MAP10: variants seen among roughly 807,000 people sequenced by gnomAD.
MAP10 encodes microtubule-associated protein 10.
In MAP10, 10 loss-of-function variants were observed where a neutral mutation model predicts 6.3. The ratio of observed to expected loss-of-function variants is 1.58; its 90% CI spans 0.98 to 2.69. MAP10 has a LOEUF of 2.69. MAP10 is among the 30% of genes most tolerant of loss of function. MAP10 has a pLI of 0.00. For synonymous variants in MAP10, 459 were observed against 429.3 expected, an observed-to-expected ratio of 1.07 and a Z score of -0.86; for missense variants, 1,189 against 1,086.5, an observed-to-expected ratio of 1.09 and a Z score of -1.33.
rs1423892562 is a variant in MAP10 at position 232,805,916 on chromosome 1, A to G, written c.467A>G (p.His156Arg). The G allele has an allele frequency of 1.2e-6, 2 of 1,609,290 alleles. No homozygotes were observed. The highest frequency in any genetic ancestry group is 1.1e-5 in the South Asian group (1 of 90,562). Residue 156 changes from histidine (H) to arginine (R), a missense_variant, in exon 1 of 1, where the codon CAC (histidine) becomes CGC (arginine). Physicochemically the swap from His to Arg is conservative, Grantham distance 29. Transcript: ENST00000418460. ...GGGCCGGCCGCCTCCGGATGCTCCC[A>G]CCGTCACCGGGGACGTTTCCCCCTG... ...VVGPAASGCS[H>R]RHRGRFPLHN...
chr1:232,807,029 G>A lies in MAP10; in HGVS notation c.1580G>A (p.Arg527Lys). The A allele has an allele frequency of 6.2e-7, 1 of 1,613,098 alleles. No homozygotes were observed. Among genetic ancestry groups the A allele is most frequent in the African/African-American group, 1.3e-5 (1 of 74,986 alleles). The change falls in exon 1 of 1, where the codon AGA becomes AAA. Residue 527 changes from arginine (R) to lysine (K), a missense_variant. Coordinates refer to ENST00000418460, the MANE Select transcript of MAP10 (RefSeq NM_019090.3). Reference protein sequence around the residue: ...VHEKRELYRKRQSQMLGTKFR... With the variant: ...VHEKRELYRKKQSQMLGTKFR... ...GAAAAAAGAGAACTATATAGAAAAA[G>A]ACAATCACAAATGTTGGGTACAAAA...
Position 232,806,266 on chromosome 1 carries a change from T to G in MAP10, c.817T>G (p.Cys273Gly). 6.2e-7 allele frequency: 1 copy of G among 1,614,010 alleles called. No individual in the cohort carries two copies. ...ENGKTNSVVT[C>G]SGAGNGRNVS... ...TGGCAAAACCAATTCTGTTGTTACA[T>G]GTTCAGGTGCTGGCAATGGGAGAAA... is the stretch of plus-strand genomic sequence containing the variant. The change falls in exon 1 of 1, where the codon TGT becomes GGT. Residue 273 changes from cysteine to glycine, a missense_variant. Transcript: ENST00000418460.
Position 232,805,820 on chromosome 1 carries a change from G to A in MAP10, c.371G>A (p.Arg124His). ...TTGCTGCTGCAGCTGCCCCCTGGGC[G>A]CCCGACGCCCACCCCACAGCTCCTG... ...ATLLLQLPPG[R>H]PTPTPQLLGA... The change falls in exon 1 of 1, where the codon CGC becomes CAC. Residue 124 changes from arginine (R) to histidine (H), a missense_variant. Arg to His is a conservative substitution (Grantham distance 29, BLOSUM62 0). Coordinates refer to ENST00000418460, the MANE Select transcript of MAP10 (RefSeq NM_019090.3). The A allele has an allele frequency of 1.3e-6, 2 of 1,590,570 alleles. No homozygotes were observed. The highest frequency in any genetic ancestry group is 1.1e-5 in the South Asian group (1 of 87,782).
At position 232,805,422 on chromosome 1, in the gene MAP10, C is replaced by T. The variant is rs201665306; in HGVS notation, c.-28C>T. On this transcript the variant is annotated 5_prime_UTR_variant, in exon 1 of 1. Coordinates refer to ENST00000418460, the MANE Select transcript of MAP10 (RefSeq NM_019090.3). Reference sequence around the variant, plus strand: ...GCTTCAGCTTCTCGTTTGCGGAGCCCGCGGCGGCGTTTCCTGGGGCAACAG... The same window carrying T: ...GCTTCAGCTTCTCGTTTGCGGAGCCTGCGGCGGCGTTTCCTGGGGCAACAG... 9.9e-5 allele frequency: 160 copies of T among 1,612,744 alleles called. No homozygotes were observed. In the East Asian group the frequency reaches 3.2e-3, roughly 32 times the overall value.
Position 232,806,472 on chromosome 1 carries a change from G to C in MAP10, c.1023G>C (p.Lys341Asn), listed in dbSNP as rs770365421. The C allele has an allele frequency of 3.1e-6, 5 of 1,613,778 alleles. No homozygotes were observed. The highest frequency in any genetic ancestry group is 4.2e-6 in the Non-Finnish European group (5 of 1,179,904). Residue 341 changes from lysine to asparagine, a missense_variant, in exon 1 of 1, where the codon AAG (lysine) becomes AAC (asparagine). Lys to Asn is a moderately conservative substitution (Grantham distance 94, BLOSUM62 0). Transcript: ENST00000418460. ...EEMDDASPEK[K>N]RVNPPAHRSC... is the part of the protein sequence containing the mutation. ...TGGATGATGCTTCTCCTGAAAAAAAGCGTGTAAATCCCCCAGCACACAGGA... is the reference window on the plus strand; with the variant it reads ...TGGATGATGCTTCTCCTGAAAAAAACCGTGTAAATCCCCCAGCACACAGGA...
At position 232,806,290 on chromosome 1, in the gene MAP10, A is replaced by C. The variant is rs762513237; in HGVS notation, c.841A>C (p.Asn281His). 4 of 1,614,002 alleles carry C rather than the reference A, an allele frequency of 2.5e-6. No homozygotes were observed. In the Admixed American group the frequency reaches 6.7e-5, roughly 27 times the overall value. The change falls in exon 1 of 1, where the codon AAT (asparagine) becomes CAT (histidine). Residue 281 changes from asparagine (N) to histidine (H), a missense_variant. Transcript: ENST00000418460. ...VTCSGAGNGR[N>H]VSSLNEEVTE... ...ATGTTCAGGTGCTGGCAATGGGAGA[A>C]ATGTTAGCTCCCTAAATGAGGAAGT...
At position 232,806,741 on chromosome 1, in the gene MAP10, A is replaced by T. The variant is rs754095187; in HGVS notation, c.1292A>T (p.Asp431Val). The stretch of plus-strand genomic sequence containing the variant: ...CTAGCCTGGTTATATAGGACTGAGG[A>T]TAAGAAGTCACCCGAATCTTCTGCC... ...PHLAWLYRTEDKKSPESSAKS... is the reference protein window; with the variant it reads ...PHLAWLYRTEVKKSPESSAKS... The change falls in exon 1 of 1, where the codon GAT becomes GTT. Residue 431 changes from aspartate (D) to valine (V), a missense_variant. Coordinates refer to ENST00000418460, the MANE Select transcript of MAP10 (RefSeq NM_019090.3). 28 of 1,613,704 alleles carry T rather than the reference A, an allele frequency of 1.7e-5. No individual in the cohort carries two copies. The highest frequency in any genetic ancestry group is 2.7e-5 in the African/African-American group (2 of 74,934).
Position 232,806,210 on chromosome 1 carries a change from C to T in MAP10, c.761C>T (p.Ala254Val). 2 of 1,613,922 alleles carry T rather than the reference C, an allele frequency of 1.2e-6. No individual in the cohort carries two copies. Among genetic ancestry groups the T allele is most frequent in the South Asian group, 2.2e-5 (2 of 91,072 alleles). Residue 254 changes from alanine to valine, a missense_variant, in exon 1 of 1, where the codon GCC becomes GTC. Coordinates refer to ENST00000418460, the MANE Select transcript of MAP10 (RefSeq NM_019090.3). ...KDLKEMVKSKAECDNVGSVEN... is the reference protein window; with the variant it reads ...KDLKEMVKSKVECDNVGSVEN... The stretch of plus-strand genomic sequence containing the variant: ...TTGAAGGAAATGGTTAAAAGTAAGG[C>T]CGAATGTGATAATGTGGGTTCTGTG...
In MAP10 at chr1:232,809,838, C is replaced by T. The variant is rs1408785078; in HGVS notation, c.*1671C>T. 1.3e-5 allele frequency among the ~76,000 whole-genome samples: 2 copies of T among 151,938 alleles called. No homozygotes were observed. The highest frequency in any genetic ancestry group is 2.9e-5 in the Non-Finnish European group (2 of 67,916). On this transcript the variant is annotated 3_prime_UTR_variant, in exon 1 of 1. Coordinates refer to ENST00000418460, the MANE Select transcript of MAP10 (RefSeq NM_019090.3). Reference sequence around the variant, plus strand: ...AATATTGTAATGCCAGGTATTGTAACTAGATGTTTAATGATGTGAACTGTG... The same window carrying T: ...AATATTGTAATGCCAGGTATTGTAATTAGATGTTTAATGATGTGAACTGTG...
chr1:232,807,429 A>C lies in MAP10; in HGVS notation c.1980A>C (p.Val660=). 6.2e-7 allele frequency: 1 copy of C among 1,613,846 alleles called. No individual in the cohort carries two copies. ...FQQDAVVDRI[V]DKEIDIRQVK... ...AGGATGCTGTTGTTGACAGAATTGT[A>C]GATAAGGAAATAGATATTAGACAGG... The change falls in exon 1 of 1, where the codon GTA becomes GTC. Residue 660 remains valine (V), a synonymous_variant. Transcript: ENST00000418460.
Position 232,808,318 on chromosome 1 carries a change from A to G in MAP10, c.*151A>G. On this transcript the variant is annotated 3_prime_UTR_variant, in exon 1 of 1. Transcript: ENST00000418460. ...TTTGATGTTTAAATGGTATTTTACC[A>G]TTAAATCTGATAATATTGATTATTA... 1.9e-6 allele frequency: 1 copy of G among 513,174 alleles called. No homozygotes were observed. Among genetic ancestry groups the G allele is most frequent in the Non-Finnish European group, 3.5e-6 (1 of 287,218 alleles). The allele number at this position is 513,174 out of a possible 1,614,324, so 31.8% of individuals were successfully genotyped here.
chr1:232,805,969 G>T lies in MAP10; in HGVS notation c.520G>T (p.Asp174Tyr), dbSNP rs746942888. 1 of 1,613,422 alleles carries T rather than the reference G, an allele frequency of 6.2e-7. No homozygotes were observed. The highest frequency in any genetic ancestry group is 1.1e-5 in the South Asian group (1 of 91,058). ...LHNRVGERTG[D>Y]IALAYRLTDL... ...TAATCGAGTGGGCGAGCGGACTGGG[G>T]ACATTGCACTGGCCTACCGCCTGAC... The change falls in exon 1 of 1, where the codon GAC (aspartate) becomes TAC (tyrosine). Residue 174 changes from aspartate to tyrosine, a missense_variant. Asp to Tyr is a radical substitution (Grantham distance 160, BLOSUM62 -3). Coordinates refer to ENST00000418460, the MANE Select transcript of MAP10 (RefSeq NM_019090.3).
Position 232,805,614 on chromosome 1 carries a change from C to G in MAP10, c.165C>G (p.Pro55=). The G allele has an allele frequency of 6.4e-7, 1 of 1,565,192 alleles. No individual in the cohort carries two copies. Among genetic ancestry groups the G allele is most frequent in the Non-Finnish European group, 8.6e-7 (1 of 1,158,058 alleles). ...CCTCGTCGCCGCGCGGTCTGTGCCC[C>G]GCCGTGGCCTTCCGCCTGCTGGACT... is the stretch of plus-strand genomic sequence containing the variant. ...GEASSPRGLC[P]AVAFRLLDFP... The change falls in exon 1 of 1, where the codon CCC becomes CCG. Residue 55 remains proline, a synonymous_variant. Coordinates refer to ENST00000418460, the MANE Select transcript of MAP10 (RefSeq NM_019090.3).
rs374272443 is a variant in MAP10 at position 232,807,328 on chromosome 1, C to T, written c.1879C>T (p.Pro627Ser). ...TGTGAGTCCTGCAAATTCCATTATT[C>T]CAGAAAGGCTTACCCCTACAAATAT... ...EVVSPANSII[P>S]ERLTPTNILG... The change falls in exon 1 of 1, where the codon CCA (proline) becomes TCA (serine). Residue 627 changes from proline to serine, a missense_variant. Coordinates refer to ENST00000418460, the MANE Select transcript of MAP10 (RefSeq NM_019090.3). 6.2e-7 allele frequency: 1 copy of T among 1,613,784 alleles called. No individual in the cohort carries two copies. The highest frequency in any genetic ancestry group is 1.1e-5 in the South Asian group (1 of 91,064).
chr1:232,806,494 A>G lies in MAP10; in HGVS notation c.1045A>G (p.Arg349Gly). The G allele has an allele frequency of 6.2e-7, 1 of 1,613,966 alleles. No individual in the cohort carries two copies. The highest frequency in any genetic ancestry group is 8.5e-7 in the Non-Finnish European group (1 of 1,179,898). Reference protein sequence around the residue: ...EKKRVNPPAHRSCLKHPSSAA... With the variant: ...EKKRVNPPAHGSCLKHPSSAA... ...AAAGCGTGTAAATCCCCCAGCACACAGGAGTTGTCTAAAGCATCCAAGTTC... is the reference window on the plus strand; with the variant it reads ...AAAGCGTGTAAATCCCCCAGCACACGGGAGTTGTCTAAAGCATCCAAGTTC... Residue 349 changes from arginine to glycine, a missense_variant, in exon 1 of 1, where the codon AGG becomes GGG. Arg to Gly is a moderately radical substitution (Grantham distance 125). Coordinates refer to ENST00000418460, the MANE Select transcript of MAP10 (RefSeq NM_019090.3).
At position 232,806,495 on chromosome 1, in the gene MAP10, G is replaced by A; in HGVS notation, c.1046G>A (p.Arg349Lys). 6.2e-7 allele frequency: 1 copy of A among 1,613,954 alleles called. No homozygotes were observed. The highest frequency in any genetic ancestry group is 1.3e-5 in the African/African-American group (1 of 75,050). ...AAGCGTGTAAATCCCCCAGCACACA[G>A]GAGTTGTCTAAAGCATCCAAGTTCT... is the stretch of plus-strand genomic sequence containing the variant. ...EKKRVNPPAHRSCLKHPSSAA... is the reference protein window; with the variant it reads ...EKKRVNPPAHKSCLKHPSSAA... The change falls in exon 1 of 1, where the codon AGG becomes AAG. Residue 349 changes from arginine (R) to lysine (K), a missense_variant. Physicochemically the swap from Arg to Lys is conservative, Grantham distance 26. Coordinates refer to ENST00000418460, the MANE Select transcript of MAP10 (RefSeq NM_019090.3).
rs1354607135 is a variant in MAP10, at chr1:232,808,580, A to G, written c.*413A>G. On this transcript the variant is annotated 3_prime_UTR_variant, in exon 1 of 1. Transcript: ENST00000418460. ...TTAGATGCAGAAAGGTGCAGAATCT[A>G]TTTATGATAGAGCCCTGCTGTTTTA... Among the ~76,000 whole-genome samples the G allele has an allele frequency of 6.6e-6, 1 of 152,192 alleles. No homozygotes were observed. The highest frequency in any genetic ancestry group is 1.5e-5 in the Non-Finnish European group (1 of 68,002).
rs1248861746 is a variant in MAP10, at chr1:232,806,850, G to T, written c.1401G>T (p.Lys467Asn). 6.2e-7 allele frequency: 1 copy of T among 1,612,444 alleles called. No individual in the cohort carries two copies. Among genetic ancestry groups the T allele is most frequent in the Admixed American group, 1.7e-5 (1 of 59,736 alleles). Residue 467 changes from lysine to asparagine, a missense_variant, in exon 1 of 1, where the codon AAG becomes AAT. Transcript: ENST00000418460. ...AGTCAGTGAGTCTTCAGTATAAAAA[G>T]AACCAAATTGAAAACTATAAGGAAG... ...CEKSVSLQYK[K>N]NQIENYKEDK...
the MAP10 span, chr1:232,806,150 T>TG: frequency 1.5e-5 from 24 of 1,613,882 alleles, no homozygotes; most frequent in Admixed American, 3.5e-4. Context: ...GATAAGCCGC[T>TG]GGGGGAGTTA....
Sources: allele counts gnomAD v4.1 joint callset (sites outside exome capture counted in the v4.1 genomes callset), GRCh38; gene constraint gnomAD v4.1.1; transcripts MANE v1.5; gene names NCBI Gene and HGNC (gene_info 2026-07-23, HGNC 2026-07-21).